IQSEC1: variants seen among roughly 807,000 people sequenced by gnomAD.
The protein encoded by IQSEC1 is IQ motif and SEC7 domain-containing protein 1.
A neutral mutation model predicts 91.0 loss-of-function variants in IQSEC1; 31 were observed. The observed-to-expected ratio is 0.34, with a 90% CI of 0.26 to 0.46. The LOEUF (loss-of-function observed/expected upper bound fraction) is 0.46, where lower values mean the gene tolerates loss of function less well. IQSEC1 is among the 20% of genes least tolerant of loss of function. The pLI is 1.00. For missense variants in IQSEC1, 1,388 were observed against 1,575.6 expected (o/e 0.88, Z 2.02); for synonymous variants, 699 against 662.6 (o/e 1.05, Z -0.84).
intron 1 of IQSEC1, among the ~76,000 whole-genome samples, chr3:13,241,549 C>T (rs1245812865): frequency 2.0e-5 from 3 of 152,242 alleles, no homozygotes; most frequent in Non-Finnish European, 2.9e-5. Flanking sequence ...GGACTGGTTT[C>T]CAGGCCAATG....
chr3:12,899,531 A>C lies in IQSEC1; in HGVS notation c.*1452T>G. Reference sequence around the variant, plus strand: ...GGTGTCACCACAACACAGAAGCGACAAGAGCACAGCTGAGAGTCATGTGAT... The same window carrying C: ...GGTGTCACCACAACACAGAAGCGACCAGAGCACAGCTGAGAGTCATGTGAT... On this transcript the variant is annotated 3_prime_UTR_variant, in exon 14 of 14. Transcript: ENST00000613206. The C allele has an allele frequency of 6.5e-7, 1 of 1,532,660 alleles. No individual in the cohort carries two copies. The highest frequency in any genetic ancestry group is 1.2e-5 in the South Asian group (1 of 83,738). 94.9% of individuals were successfully genotyped at this position (1,532,660 alleles called of 1,614,324 possible).
chr3:13,123,094 T>A (rs1269151386), intron 2 of IQSEC1, among the ~76,000 whole-genome samples: 1 of 152,268 alleles, frequency 6.6e-6, no homozygotes, highest in East Asian at 1.9e-4. Flanking sequence ...AGGAAGACAA[T>A]TACATGTCAA....
At chr3:13,113,584 C>T (rs527905827) in intron 2 of IQSEC1, among the ~76,000 whole-genome samples, 24 of 145,574 alleles carry the variant, frequency 1.6e-4, no homozygotes, top group East Asian at 6.1e-4. Flanking sequence ...AGGTGGGGCG[C>T]GGAGAGAAGA....
At chr3:13,243,128 G>A (rs935235789) in intron 1 of IQSEC1, among the ~76,000 whole-genome samples, 1 of 152,102 alleles carries the variant, frequency 6.6e-6, no homozygotes, top group African/African-American at 2.4e-5. Flanking sequence ...AAGTCCCTTC[G>A]CACACAGAGA....
upstream of IQSEC1, among the ~76,000 whole-genome samples, chr3:13,075,370 A>G (rs1705547092): frequency 6.6e-6 from 1 of 152,214 alleles, no homozygotes; most frequent in African/African-American, 2.4e-5. Context: ...AGCCCAGACT[A>G]ACTCACAGCC....
chr3:13,140,811 C>T lies in IQSEC1; in HGVS notation c.302+23293G>A, dbSNP rs9849680. On this transcript the variant is annotated intron_variant, in intron 2 of 15. Transcript: ENST00000648114. Reference sequence around the variant, plus strand: ...ACCGTGGCTCTGTTCCGCATCCCACCCTCCCCTGGGTCTGGACTTAGGCTG... The same window carrying T: ...ACCGTGGCTCTGTTCCGCATCCCACTCTCCCCTGGGTCTGGACTTAGGCTG... 3.4e-3 allele frequency among the ~76,000 whole-genome samples: 517 copies of T among 152,290 alleles called. 2 individuals are homozygous for T. Among genetic ancestry groups the T allele is most frequent in the African/African-American group, 0.012 (491 of 41,562 alleles).
chr3:12,958,379 G>A (rs1297699925), intron 1 of IQSEC1, among the ~76,000 whole-genome samples: 1 of 152,194 alleles, frequency 6.6e-6, no homozygotes, highest in Non-Finnish European at 1.5e-5. Flanking sequence ...CAGGAGCTGT[G>A]TGGCCCTGGG....
intron 2 of IQSEC1, among the ~76,000 whole-genome samples, chr3:13,150,885 T>C (rs1041099722): frequency 6.6e-6 from 1 of 152,122 alleles, no homozygotes; most frequent in Non-Finnish European, 1.5e-5. Flanking sequence ...AAATAGAAAT[T>C]TGTGTCTCTG....
intron 1 of IQSEC1, among the ~76,000 whole-genome samples, chr3:13,011,968 G>T (rs1702902925): frequency 6.6e-6 from 1 of 152,140 alleles, no homozygotes; most frequent in African/African-American, 2.4e-5. Context: ...AGGGTGGTTT[G>T]TTCCAGCACC....
intron 1 of IQSEC1, among the ~76,000 whole-genome samples, chr3:13,042,722 G>C (rs1346902459): frequency 6.6e-6 from 1 of 152,168 alleles, no homozygotes; most frequent in Admixed American, 6.5e-5. Context: ...TGGGGGGTCT[G>C]GATGCTAGGG....
intron 1 of IQSEC1, among the ~76,000 whole-genome samples, chr3:13,043,107 T>A (rs1292110893): frequency 6.6e-6 from 1 of 152,148 alleles, no homozygotes; most frequent in African/African-American, 2.4e-5. Flanking sequence ...ATGGAACCGC[T>A]ATGACAGCCG....
At chr3:13,231,317 GTCTC>G (rs778634855) in intron 1 of IQSEC1, among the ~76,000 whole-genome samples, 2 of 152,226 alleles carry the variant, frequency 1.3e-5, no homozygotes, top group South Asian at 2.1e-4. Context: ...GTGTGCATCT[GTCTC>G]TCTTAGTTTG....
chr3:13,213,598 C>T (rs1483568183), intron 1 of IQSEC1, among the ~76,000 whole-genome samples: 1 of 152,150 alleles, frequency 6.6e-6, no homozygotes, highest in Non-Finnish European at 1.5e-5. Flanking sequence ...ACTTTATGTC[C>T]TTCACTTTGA....
upstream of IQSEC1, among the ~76,000 whole-genome samples, chr3:13,077,033 T>A (rs1221003753): frequency 1.1e-5 from 1 of 92,266 alleles, no homozygotes; most frequent in East Asian, 3.6e-4. Context: ...TTTCTTTCTT[T>A]TTTTTTTTTT....
At position 12,936,362 on chromosome 3, in the gene IQSEC1, A is replaced by C. The variant is rs748509845; in HGVS notation, c.654T>G (p.Phe218Leu). The change falls in exon 3 of 14, where the codon TTT becomes TTG. Residue 218 changes from phenylalanine to leucine, a missense_variant. Physicochemically the swap from Phe to Leu is conservative, Grantham distance 22 (BLOSUM62 0). This residue lies in a region of IQSEC1 where 1,059 missense variants were observed against 1,317.8 expected (regional missense o/e 0.80). Transcript: ENST00000613206. ...CCTCCAGCTCGGTGATGGCGTCCGC[A>C]AAGTCACTGGAGGGGGCCGGAGACT... ...TLKSPAPSSD[F>L]ADAITELEDA... 5 of 1,603,082 alleles carry C rather than the reference A, an allele frequency of 3.1e-6. No homozygotes were observed. The South Asian group carries it at 5.5e-5, about 18-fold the overall frequency.
chr3:13,156,300 C>A (rs902327560), intron 2 of IQSEC1, among the ~76,000 whole-genome samples: 62 of 152,052 alleles, frequency 4.1e-4, no homozygotes, highest in Admixed American at 1.3e-4. Flanking sequence ...TGGAAAGAAA[C>A]TACCTCAACA....
At chr3:13,192,249 A>G (rs1433504272) in intron 1 of IQSEC1, among the ~76,000 whole-genome samples, 1 of 152,004 alleles carries the variant, frequency 6.6e-6, no homozygotes, top group Non-Finnish European at 1.5e-5. Context: ...GAGGCAGGAA[A>G]ATGGCGTGAC....
intron 1 of IQSEC1, among the ~76,000 whole-genome samples, chr3:13,280,428 G>T (rs1296745014): frequency 6.6e-6 from 1 of 152,206 alleles, no homozygotes; most frequent in Admixed American, 6.5e-5. Flanking sequence ...CCCCGGGGGG[G>T]CCCAGAACCC....
intron 1 of IQSEC1, among the ~76,000 whole-genome samples, chr3:12,977,343 G>A (rs1701230530): frequency 1.0e-5 from 1 of 98,316 alleles, no homozygotes; most frequent in South Asian, 3.7e-4. Flanking sequence ...ATAAAATCCT[G>A]TCTCCAGGGA....
Sources: allele counts gnomAD v4.1 joint callset (sites outside exome capture counted in the v4.1 genomes callset), GRCh38; gene constraint gnomAD v4.1.1; regional missense constraint gnomAD v4.1.1; transcripts MANE v1.5; gene names NCBI Gene and HGNC (gene_info 2026-07-23, HGNC 2026-07-21).